The following PPFIBP1 variants were observed in gnomAD, a reference collection of about 807,000 sequenced individuals.
PPFIBP1 encodes PPFIB scaffold protein 1.
PPFIBP1 carries 112 observed loss-of-function variants against 137.8 expected under a neutral mutation model. The observed-to-expected ratio is 0.81, with a 90% CI of 0.70 to 0.95. PPFIBP1 has a LOEUF of 0.95. Ranked by LOEUF, PPFIBP1 falls within the 40% of genes least tolerant of loss-of-function variation. The pLI, the probability that PPFIBP1 is intolerant of heterozygous loss-of-function variation, is 0.00. For synonymous variants in PPFIBP1, 378 were observed against 417.3 expected, an observed-to-expected ratio of 0.91 and a Z score of 1.15; for missense variants, 1,083 against 1,196.6, an observed-to-expected ratio of 0.91 and a Z score of 1.40.
chr12:27,648,811 T>A (rs1447199811), intron 6 of PPFIBP1, among the ~76,000 whole-genome samples: 2 of 151,956 alleles, frequency 1.3e-5, no homozygotes, highest in Non-Finnish European at 2.9e-5. Context: ...ATTGAACCCA[T>A]GGAGATAGAG....
intron 19 of PPFIBP1, 141 bp downstream of exon 19, chr12:27,677,237 A>T: frequency 9.5e-7 from 1 of 1,048,960 alleles, no homozygotes; most frequent in Non-Finnish European, 1.4e-6. Context: ...TGTTCTTTCC[A>T]CCTTCTGCTA....
chr12:27,536,284 G>A (rs1259461061), intron 1 of PPFIBP1, among the ~76,000 whole-genome samples: 2 of 152,184 alleles, frequency 1.3e-5, no homozygotes, highest in African/African-American at 4.8e-5. Context: ...CGTATGTTAG[G>A]CTGTTTTGCA....
At chr12:27,669,551 G>A (rs2060054476) in intron 13 of PPFIBP1, among the ~76,000 whole-genome samples, 2 of 152,170 alleles carry the variant, frequency 1.3e-5, no homozygotes, top group South Asian at 4.1e-4. Context: ...TCTGAGTTTG[G>A]AGTTAAAGTC....
At chr12:27,672,240 A>G (rs1362783563) in intron 14 of PPFIBP1, among the ~76,000 whole-genome samples, 187 bp from the exon 15 acceptor site, 1 of 152,234 alleles carries the variant, frequency 6.6e-6, no homozygotes, top group Non-Finnish European at 1.5e-5. Flanking sequence ...CTAAGAAAAT[A>G]GAATGTTTTG....
chr12:27,609,743 T>A (rs539480348), intron 2 of PPFIBP1, among the ~76,000 whole-genome samples: 1 of 152,326 alleles, frequency 6.6e-6, no homozygotes, highest in South Asian at 2.1e-4. Context: ...TGCAGCCATT[T>A]TCCCTTTTGT....
chr12:27,566,413 G>C (rs910684248), intron 1 of PPFIBP1, among the ~76,000 whole-genome samples: 3 of 151,464 alleles, frequency 2.0e-5, no homozygotes, highest in African/African-American at 4.8e-5. Flanking sequence ...TATTTGCATA[G>C]CAAGGATGGG....
At position 27,677,096 on chromosome 12, in the gene PPFIBP1, G is replaced by A. The variant is rs1185263103; in HGVS notation, c.1615G>A (p.Ala539Thr). Residue 539 changes from alanine (A) to threonine (T), a missense_variant and splice_region_variant, in exon 19 of 30, where the codon GCT (alanine) becomes ACT (threonine). Transcript: ENST00000228425. ...ACGAAGTGCCAGTGCACCCACCCTAGGTATTGTACCCCTGCATGCCAGCCT... is the reference window on the plus strand; with the variant it reads ...ACGAAGTGCCAGTGCACCCACCCTAAGTATTGTACCCCTGCATGCCAGCCT... ...RKRSASAPTL[A>T]ETEKETAEHL... 12 of 1,613,922 alleles carry A rather than the reference G, an allele frequency of 7.4e-6. No individual in the cohort carries two copies. The highest frequency in any genetic ancestry group is 9.3e-6 in the Non-Finnish European group (11 of 1,180,010).
At chr12:27,653,564 G>T (rs142071419) in intron 7 of PPFIBP1, among the ~76,000 whole-genome samples, 1 of 148,508 alleles carries the variant, frequency 6.7e-6, no homozygotes, top group African/African-American at 2.5e-5. Context: ...TCCAGCCTGG[G>T]TGACAGAGTG....
intron 22 of PPFIBP1, 98 bp downstream of exon 22, chr12:27,681,794 C>A (rs1301513190): frequency 2.2e-6 from 3 of 1,344,242 alleles, no homozygotes; most frequent in African/African-American, 2.9e-5. Context: ...ATGAGTGAAG[C>A]CAGTAAAAAC....
intron 6 of PPFIBP1, among the ~76,000 whole-genome samples, chr12:27,648,141 A>T (rs2058654955): frequency 6.6e-6 from 1 of 152,174 alleles, no homozygotes; most frequent in Non-Finnish European, 1.5e-5. Context: ...ATTAAGAAAA[A>T]ATATAATAGT....
At chr12:27,642,446 G>A (rs574665273) in intron 4 of PPFIBP1, among the ~76,000 whole-genome samples, 20 of 152,294 alleles carry the variant, frequency 1.3e-4, no homozygotes, top group Admixed American at 9.8e-4. Context: ...TTTAAGTTAC[G>A]TGCTCAGGAT....
rs144123650 is a variant in PPFIBP1 at position 27,622,731 on chromosome 12, C to T, written c.-35-10631C>T. Among the ~76,000 whole-genome samples, 1,026 of 152,256 alleles carry T rather than the reference C, an allele frequency of 6.7e-3. 6 individuals carry two copies. The highest frequency in any genetic ancestry group is 9.9e-3 in the Non-Finnish European group (675 of 68,016). On this transcript the variant is annotated intron_variant, in intron 2 of 29. Coordinates refer to ENST00000228425, the MANE Select transcript of PPFIBP1 (RefSeq NM_003622.4). ...TCACTGTTCTGCGTCTAATACCTGG[C>T]GCATAGGAGGCCCTCAATCAATATT...
chr12:27,658,873 G>C, intron 10 of PPFIBP1, 25 bp downstream of exon 10: 1 of 1,601,996 alleles, frequency 6.2e-7, no homozygotes. Flanking sequence ...ATTTCCATCA[G>C]CCTTTACATT....
chr12:27,598,798 C>T (rs1260845065), intron 2 of PPFIBP1, among the ~76,000 whole-genome samples: 2 of 152,180 alleles, frequency 1.3e-5, no homozygotes, highest in Non-Finnish European at 2.9e-5. Flanking sequence ...TGGGGGTCCT[C>T]ATTAACAATA....
At chr12:27,587,077 C>T (rs554234381) in intron 2 of PPFIBP1, among the ~76,000 whole-genome samples, 1 of 152,186 alleles carries the variant, frequency 6.6e-6, no homozygotes, top group Admixed American at 6.5e-5. Context: ...GTAAAAATAC[C>T]TAGATGCTAG....
At chr12:27,659,670 A>G (rs2059425487) in intron 10 of PPFIBP1, among the ~76,000 whole-genome samples, 1 of 152,150 alleles carries the variant, frequency 6.6e-6, no homozygotes, top group Non-Finnish European at 1.5e-5. Flanking sequence ...TAAAAAAAAA[A>G]AAAATTAACT....
At chr12:27,614,984 C>G (rs1400080230) in intron 2 of PPFIBP1, among the ~76,000 whole-genome samples, 2 of 152,168 alleles carry the variant, frequency 1.3e-5, no homozygotes, top group African/African-American at 4.8e-5. Context: ...ATCTGAGAAA[C>G]ACTTCTTGAT....
chr12:27,609,339 C>T (rs966389851), intron 2 of PPFIBP1, among the ~76,000 whole-genome samples: 4 of 152,226 alleles, frequency 2.6e-5, no homozygotes, highest in Non-Finnish European at 5.9e-5. Flanking sequence ...GCATCCTCAT[C>T]TGCTCATCTT....
At chr12:27,608,582 C>G (rs1195463397) in intron 2 of PPFIBP1, among the ~76,000 whole-genome samples, 1 of 152,140 alleles carries the variant, frequency 6.6e-6, no homozygotes, top group East Asian at 1.9e-4. Flanking sequence ...AGCATTTACC[C>G]TTAAAAAATG....
Sources: gnomAD v4.1 joint callset for allele counts (sites outside exome capture counted in the v4.1 genomes callset) on GRCh38, gnomAD v4.1.1 for gene constraint, MANE v1.5 for transcripts, NCBI Gene and HGNC (gene_info 2026-07-23, HGNC 2026-07-21) for gene names.